Variants in ERAP1 observed in about 807,000 individuals in gnomAD.
ERAP1 encodes endoplasmic reticulum aminopeptidase 1.
In ERAP1, 86 loss-of-function variants were observed where a neutral mutation model predicts 103.7. That is an observed-to-expected ratio of 0.83 (90% CI 0.70 to 0.99). The LOEUF (loss-of-function observed/expected upper bound fraction) is 0.99. Ranked by LOEUF, ERAP1 falls within the 50% of genes least tolerant of loss-of-function variation. The pLI, the probability that ERAP1 is intolerant of heterozygous loss-of-function variation, is 0.00. For synonymous variants in ERAP1, 398 were observed against 402.4 expected (o/e 0.99, Z 0.13); for missense variants, 1,009 against 1,128.4 (o/e 0.89, Z 1.52).
chr5:96,923,564 GGC>G, the ERAP1 span, among the ~76,000 whole-genome samples: 1 of 151,614 alleles, frequency 6.6e-6, no homozygotes, highest in African/African-American at 2.4e-5. Flanking sequence ...CGCAGTGGCG[GGC>G]GCCCGTAGTC....
At chr5:96,884,196 A>T in the ERAP1 span, among the ~76,000 whole-genome samples, 29 of 152,312 alleles carry the variant, frequency 1.9e-4, no homozygotes, top group African/African-American at 7.0e-4. Flanking sequence ...ATATGGAAAC[A>T]GTATCTTAAA....
chr5:96,885,035 AC>A, the ERAP1 span, among the ~76,000 whole-genome samples: 1 of 152,222 alleles, frequency 6.6e-6, no homozygotes. Context: ...ATGTTAATCT[AC>A]ATGGGTCACT....
At chr5:96,845,601 T>G in the ERAP1 span, among the ~76,000 whole-genome samples, 3 of 152,360 alleles carry the variant, frequency 2.0e-5, no homozygotes, top group African/African-American at 7.2e-5. Flanking sequence ...TTTGTTTGAC[T>G]AATTTATCTT....
At chr5:96,864,554 C>T in the ERAP1 span, among the ~76,000 whole-genome samples, 12 of 152,070 alleles carry the variant, frequency 7.9e-5, no homozygotes, top group Admixed American at 7.2e-4. Flanking sequence ...ACATGATAAA[C>T]AGAAGTCATA....
chr5:96,830,083 A>C, the ERAP1 span, among the ~76,000 whole-genome samples: 7 of 152,214 alleles, frequency 4.6e-5, no homozygotes, highest in African/African-American at 1.4e-4. Flanking sequence ...GTTGGAGTCC[A>C]AGACCACTCA....
chr5:96,804,151 G>C (rs779488282), intron 1 of ERAP1, among the ~76,000 whole-genome samples: 1 of 152,164 alleles, frequency 6.6e-6, no homozygotes, highest in Admixed American at 6.5e-5. Flanking sequence ...TCATTAACAC[G>C]TACTAGAAAG....
Position 96,795,180 on chromosome 5 carries a change from G to C in ERAP1, c.799-18C>G, listed in dbSNP as rs1777212672. ...ACAGAAACCTAAAGAGAAAGGCACA[G>C]AAAGGAATTCAAATATCTTAACTGG... On this transcript the variant is annotated intron_variant, in intron 4 of 18. Transcript: ENST00000443439. The C allele has an allele frequency of 6.2e-7, 1 of 1,612,588 alleles. No homozygotes were observed. Among genetic ancestry groups the C allele is most frequent in the African/African-American group, 1.3e-5 (1 of 75,020 alleles).
the ERAP1 span, chr5:96,896,349 C>T: frequency 7.6e-6 from 12 of 1,586,162 alleles, no homozygotes; most frequent in African/African-American, 1.6e-4. Context: ...GAAACTAAAA[C>T]TAAACATTTT....
chr5:96,870,681 A>G, the ERAP1 span, among the ~76,000 whole-genome samples: 9 of 152,244 alleles, frequency 5.9e-5, no homozygotes, highest in South Asian at 1.9e-3. Context: ...CTTTTTGCCT[A>G]GTTGGGTGGT....
chr5:96,765,314 G>C, intron 19 of ERAP1: 23 of 596,980 alleles, frequency 3.9e-5, no homozygotes, highest in Non-Finnish European at 5.5e-5. Flanking sequence ...ACCAATGGAA[G>C]ATAAAGTAAA....
chr5:96,880,474 C>T, the ERAP1 span, among the ~76,000 whole-genome samples: 1 of 152,106 alleles, frequency 6.6e-6, no homozygotes, highest in African/African-American at 2.4e-5. Flanking sequence ...GGGTGAATAA[C>T]TAGGAGGAGA....
At chr5:96,768,969 T>C (rs1418808494) in intron 19 of ERAP1, 1 of 152,238 alleles carries the variant, frequency 6.6e-6, no homozygotes, top group African/African-American at 2.4e-5. Context: ...TGCTCCTCAT[T>C]AGCAAAATGC....
At chr5:96,768,092 G>T in intron 19 of ERAP1, 1 of 856,368 alleles carries the variant, frequency 1.2e-6, no homozygotes, top group Non-Finnish European at 2.0e-6. Flanking sequence ...TCTATCTATC[G>T]GTCTGTCTTG....
At chr5:96,786,073 T>G (rs1247271380) in intron 12 of ERAP1, 102 bp from the exon 13 acceptor site, 1 of 1,068,672 alleles carries the variant, frequency 9.4e-7, no homozygotes, top group Admixed American at 2.0e-5. Context: ...AGTTTAATAC[T>G]GAAAAATTTG....
the ERAP1 span, chr5:96,886,676 G>T: frequency 6.5e-7 from 1 of 1,546,800 alleles, no homozygotes. Context: ...TGAACTTGAA[G>T]GAGGTCTTTT....
chr5:96,898,073 G>A, the ERAP1 span, among the ~76,000 whole-genome samples: 1 of 152,156 alleles, frequency 6.6e-6, no homozygotes, highest in Non-Finnish European at 1.5e-5. Context: ...GTGCTTGCCT[G>A]TAATCCCAGC....
chr5:96,805,104 C>T (rs1374146368), intron 1 of ERAP1, among the ~76,000 whole-genome samples: 3 of 124,890 alleles, frequency 2.4e-5, no homozygotes, highest in African/African-American at 7.6e-5. Context: ...TTGGCCCAAA[C>T]TCCTCGTGTT....
At chr5:96,833,621 G>T in the ERAP1 span, among the ~76,000 whole-genome samples, 1 of 151,988 alleles carries the variant, frequency 6.6e-6, no homozygotes, top group Admixed American at 6.6e-5. Context: ...CATGGTTCCT[G>T]ACCTCACCTT....
chr5:96,904,031 A>G, the ERAP1 span, among the ~76,000 whole-genome samples: 1 of 152,228 alleles, frequency 6.6e-6, no homozygotes, highest in South Asian at 2.1e-4. Flanking sequence ...TACACCAAAT[A>G]CCGGTGTAAT....
Sources: allele counts gnomAD v4.1 joint callset (sites outside exome capture counted in the v4.1 genomes callset), GRCh38; gene constraint gnomAD v4.1.1; transcripts MANE v1.5; gene names NCBI Gene and HGNC (gene_info 2026-07-23, HGNC 2026-07-21).